PRDM11: variants seen among roughly 807,000 people sequenced by gnomAD.
The protein encoded by PRDM11 is PR domain-containing protein 11.
In PRDM11, 20 loss-of-function variants were observed where a neutral mutation model predicts 97.8. The observed-to-expected ratio is 0.20, with a 90% confidence interval of 0.14 to 0.30. PRDM11 has a LOEUF of 0.30. Ranked by LOEUF, PRDM11 falls within the 10% of genes least tolerant of loss-of-function variation. The pLI is 1.00. For synonymous variants in PRDM11, 599 were observed against 637.7 expected, an observed-to-expected ratio of 0.94 and a Z score of 0.91; for missense variants, 1,139 against 1,555.2, an observed-to-expected ratio of 0.73 and a Z score of 4.50.
At chr11:45,215,016 A>G (rs1431028302) in intron 5 of PRDM11, among the ~76,000 whole-genome samples, 1 of 152,228 alleles carries the variant, frequency 6.6e-6, no homozygotes, top group African/African-American at 2.4e-5. Flanking sequence ...TGCTAAGTCA[A>G]TTTTACCTTT....
chr11:45,209,189 G>A (rs1853624565), intron 5 of PRDM11: 1 of 449,778 alleles, frequency 2.2e-6, no homozygotes, highest in Non-Finnish European at 4.5e-6. Flanking sequence ...CCACCATCGT[G>A]CTCACGGCCC....
upstream of PRDM11, among the ~76,000 whole-genome samples, chr11:45,146,368 A>C (rs975120007): frequency 6.6e-6 from 1 of 152,182 alleles, no homozygotes; most frequent in African/African-American, 2.4e-5. Context: ...TTCTGACCCC[A>C]AAAAAGTATC....
intron 1 of PRDM11, among the ~76,000 whole-genome samples, chr11:45,161,559 T>A (rs935485873): frequency 6.6e-6 from 1 of 152,222 alleles, no homozygotes; most frequent in South Asian, 2.1e-4. Flanking sequence ...AGGTTCGTTG[T>A]GGCTGCGGAT....
chr11:45,107,154 C>T (rs930925306), intron 1 of PRDM11, among the ~76,000 whole-genome samples: 5 of 152,168 alleles, frequency 3.3e-5, no homozygotes, highest in African/African-American at 4.8e-5. Flanking sequence ...AGATAAGTGC[C>T]ACGTTAGCAC....
chr11:45,165,181 C>T (rs1438018860), intron 1 of PRDM11, among the ~76,000 whole-genome samples: 2 of 152,192 alleles, frequency 1.3e-5, no homozygotes, highest in African/African-American at 2.4e-5. Context: ...ACCAAGCTGC[C>T]TCTTGCCAGT....
intron 1 of PRDM11, among the ~76,000 whole-genome samples, chr11:45,107,332 G>A (rs1852079411): frequency 6.6e-6 from 1 of 152,106 alleles, no homozygotes; most frequent in Non-Finnish European, 1.5e-5. Context: ...TGCAAAACGG[G>A]GCTAATTATA....
intron 1 of PRDM11, among the ~76,000 whole-genome samples, chr11:45,164,419 C>A (rs756772741): frequency 6.6e-6 from 1 of 152,262 alleles, no homozygotes; most frequent in Non-Finnish European, 1.5e-5. Context: ...TACTCGGCAG[C>A]CTTTGGGCTA....
At chr11:45,153,012 A>G (rs1459386257) in intron 1 of PRDM11, among the ~76,000 whole-genome samples, 1 of 152,232 alleles carries the variant, frequency 6.6e-6, no homozygotes, top group Admixed American at 6.5e-5. Context: ...GGGAGGCCAA[A>G]TAAGAGGCTT....
intron 1 of PRDM11, among the ~76,000 whole-genome samples, chr11:45,165,456 T>C (rs147404994): frequency 6.6e-6 from 1 of 152,130 alleles, no homozygotes; most frequent in African/African-American, 2.4e-5. Flanking sequence ...TGAGGCTGGG[T>C]TCTCAGGGGG....
At chr11:45,127,070 G>C (rs113975890) in intron 1 of PRDM11, among the ~76,000 whole-genome samples, 2 of 151,850 alleles carry the variant, frequency 1.3e-5, no homozygotes, top group South Asian at 4.1e-4. Context: ...TTCCCTTCTC[G>C]CTTCATTTCA....
chr11:45,176,614 T>A (rs1167913254), intron 1 of PRDM11, among the ~76,000 whole-genome samples: 1 of 152,180 alleles, frequency 6.6e-6, no homozygotes, highest in African/African-American at 2.4e-5. Context: ...GTGCTGGTGT[T>A]AATTGATTAA....
chr11:45,204,871 G>A (rs1437453125), intron 5 of PRDM11, 93 bp downstream of exon 5: 11 of 1,289,922 alleles, frequency 8.5e-6, no homozygotes, highest in Non-Finnish European at 1.2e-5. Flanking sequence ...CTCCAGTGGT[G>A]GAGACTTCTG....
rs780830634 is a variant in PRDM11, at chr11:45,227,093, G to A, written c.2468G>A (p.Arg823Gln). Residue 823 changes from arginine to glutamine, a missense_variant, in exon 8 of 8, where the codon CGG (arginine) becomes CAG (glutamine). Physicochemically the swap from Arg to Gln is conservative, Grantham distance 43. Coordinates refer to ENST00000683152, the MANE Select transcript of PRDM11 (RefSeq NM_001384648.1). This position sits in a 1 kb window ranked among gnomAD's most constrained non-coding sequence, Gnocchi z 8.0. ...GAGACAGAGTTCCTGGGCGATATCC[G>A]GGCAGTGCGGTGGATCATCGGCGAG... ...CEETEFLGDI[R>Q]AVRWIIGEQN... 341 of 1,533,818 alleles carry A rather than the reference G, an allele frequency of 2.2e-4. 1 individual carries two copies. The highest frequency in any genetic ancestry group is 2.8e-4 in the Non-Finnish European group (324 of 1,146,740).
At chr11:45,211,658 A>G (rs1181704414) in intron 5 of PRDM11, among the ~76,000 whole-genome samples, 6 of 152,300 alleles carry the variant, frequency 3.9e-5, no homozygotes, top group African/African-American at 1.4e-4. Context: ...GCCTGTCAGC[A>G]TGTGCTGCAG....
At chr11:45,154,056 T>C (rs1485457228) in intron 1 of PRDM11, among the ~76,000 whole-genome samples, 1 of 152,222 alleles carries the variant, frequency 6.6e-6, no homozygotes, top group Non-Finnish European at 1.5e-5. Context: ...TCTTGGGTGA[T>C]TTAAAAATAG....
At chr11:45,178,720 T>C (rs1194059217) in intron 1 of PRDM11, among the ~76,000 whole-genome samples, 1 of 152,120 alleles carries the variant, frequency 6.6e-6, no homozygotes, top group Non-Finnish European at 1.5e-5. Context: ...GTTCTCAGGG[T>C]GCAAAATTGA....
chr11:45,094,685 TGGAAGGAA>T (rs762833302), upstream of PRDM11, among the ~76,000 whole-genome samples: 3 of 68,150 alleles, frequency 4.4e-5, no homozygotes, highest in African/African-American at 1.8e-4. Flanking sequence ...GATGGAAGGA[TGGAAGGAA>T]GGAAGGAAGG....
At position 45,230,190 on chromosome 11, in the gene PRDM11, TAAAAAAC is replaced by T. The variant is rs1013100152; in HGVS notation, c.*2045_*2051del. The T allele has an allele frequency of 5.3e-5, 8 of 151,408 alleles. No individual in the cohort carries two copies. Among genetic ancestry groups the T allele is most frequent in the Admixed American group, 4.6e-4 (7 of 15,206 alleles). 9.4% of individuals were successfully genotyped at this position (151,408 alleles called of 1,614,324 possible). ...TGTTTTCAACAGTGATGTAGCATGT[TAAAAAAC>T]AAAAAACAAAAAAAAATGGGTTCCT... is the stretch of plus-strand genomic sequence containing the variant. On this transcript the variant is annotated 3_prime_UTR_variant, in exon 8 of 8. Transcript: ENST00000683152.
intron 1 of PRDM11, among the ~76,000 whole-genome samples, chr11:45,166,212 G>A (rs1038099858): frequency 9.2e-5 from 14 of 152,278 alleles, no homozygotes; most frequent in African/African-American, 2.2e-4. Flanking sequence ...GACTTGTTCC[G>A]TCCATCCTGC....
Sources: allele counts gnomAD v4.1 joint callset (sites outside exome capture counted in the v4.1 genomes callset), GRCh38; gene constraint gnomAD v4.1.1; non-coding constraint Gnocchi (gnomAD v3.1); transcripts MANE v1.5; gene names NCBI Gene and HGNC (gene_info 2026-07-23, HGNC 2026-07-21).